Variants in ZSCAN5A observed in about 807,000 individuals in gnomAD.
ZSCAN5A encodes zinc finger and SCAN domain containing 5A, also known as zinc finger and SCAN domain-containing protein 5A.
ZSCAN5A carries 12 observed loss-of-function variants against 23.7 expected under a neutral mutation model. That is an observed-to-expected ratio of 0.51 (90% CI 0.32 to 0.82). The LOEUF (loss-of-function observed/expected upper bound fraction) is 0.82. ZSCAN5A is among the 40% of genes least tolerant of loss of function. The pLI, the probability that ZSCAN5A is intolerant of heterozygous loss-of-function variation, is 0.03. For synonymous variants in ZSCAN5A, 257 were observed against 239.9 expected (o/e 1.07, Z -0.66); for missense variants, 597 against 617.9 (o/e 0.97, Z 0.36).
intron 2 of ZSCAN5A, chr19:56,338,569 G>T (rs572411851): frequency 6.6e-6 from 1 of 152,208 alleles, no homozygotes; most frequent in Non-Finnish European, 1.5e-5. Flanking sequence ...TACAGCAAAG[G>T]TCCCCAGAAC....
rs143312233 is a variant in ZSCAN5A, at chr19:56,293,074, C to A, written c.-128+20209G>T. Among the ~76,000 whole-genome samples the A allele has an allele frequency of 4.6e-5, 7 of 152,276 alleles. No homozygotes were observed. The East Asian group carries it at 1.2e-3, about 25-fold the overall frequency. On this transcript the variant is annotated intron_variant, in intron 2 of 5. Transcript: ENST00000683990. ...GTTCTGAGACACCATCCTGTCCATG[C>A]CCCACACCCACCTCCAAACCCCACT...
chr19:56,233,913 C>G (rs1011507728), intron 2 of ZSCAN5A, among the ~76,000 whole-genome samples: 3 of 152,050 alleles, frequency 2.0e-5, no homozygotes, highest in African/African-American at 7.2e-5. Flanking sequence ...GAAAAGGAAC[C>G]CGGGCCAGGC....
At chr19:56,272,627 T>C (rs2037934204) in intron 2 of ZSCAN5A, 1 of 152,212 alleles carries the variant, frequency 6.6e-6, no homozygotes. Flanking sequence ...TGTTCTAAAA[T>C]GTTGCTTTAA....
intron 2 of ZSCAN5A, among the ~76,000 whole-genome samples, chr19:56,302,621 C>CCCCGTT (rs2040407172): frequency 1.6e-5 from 2 of 125,568 alleles, no homozygotes; most frequent in South Asian, 3.1e-4. Context: ...CCCTCTTCCT[C>CCCCGTT]CCTCCCTCCT....
At chr19:56,288,907 G>A (rs2039325294) in intron 2 of ZSCAN5A, among the ~76,000 whole-genome samples, 1 of 152,196 alleles carries the variant, frequency 6.6e-6, no homozygotes, top group Non-Finnish European at 1.5e-5. Context: ...TACTGTGACA[G>A]TTTTTGTCTC....
rs143132030 is a variant in ZSCAN5A, at chr19:56,228,131, A to C, written c.-127-2958T>G. On this transcript the variant is annotated intron_variant, in intron 2 of 5. Coordinates refer to ENST00000683990, the MANE Select transcript of ZSCAN5A (RefSeq NM_001322064.3). ...CAGAGTTAATCATGGGGTGCAAAGG[A>C]GACCCGCTGCCTTCACAAAGTCTCC... The C allele has an allele frequency of 3.7e-3, 2,631 of 713,918 alleles. 53 individuals are homozygous for C. In the African/African-American group the frequency reaches 0.045, roughly 12 times the overall value. The allele number at this position is 713,918 out of a possible 1,614,324, so 44.2% of individuals were successfully genotyped here.
At chr19:56,319,798 C>T, upstream of ZSCAN5A, 1 of 775,854 alleles carries the variant, frequency 1.3e-6, no homozygotes, top group Non-Finnish European at 2.4e-6. Flanking sequence ...AACTATGGTC[C>T]ACTGGAATTG....
intron 2 of ZSCAN5A, among the ~76,000 whole-genome samples, chr19:56,281,135 T>C (rs764473319): frequency 2.0e-5 from 3 of 152,220 alleles, no homozygotes; most frequent in Non-Finnish European, 4.4e-5. Flanking sequence ...GAAAATGTTA[T>C]TAAGAAAGAG....
intron 2 of ZSCAN5A, among the ~76,000 whole-genome samples, chr19:56,296,657 G>A (rs1472317171): frequency 3.3e-5 from 5 of 152,182 alleles, no homozygotes; most frequent in East Asian, 1.9e-4. Context: ...AAAAAACAAA[G>A]AGCAGTAGTT....
chr19:56,310,787 T>C (rs998260833), intron 2 of ZSCAN5A, among the ~76,000 whole-genome samples: 1 of 152,178 alleles, frequency 6.6e-6, no homozygotes, highest in African/African-American at 2.4e-5. Flanking sequence ...CTGGAGGAGG[T>C]TCCTTGTCCT....
chr19:56,289,375 G>C (rs1042891053), intron 2 of ZSCAN5A, among the ~76,000 whole-genome samples: 2 of 152,158 alleles, frequency 1.3e-5, no homozygotes, highest in African/African-American at 4.8e-5. Flanking sequence ...AGAGAAAGGG[G>C]CCAGGCCCTT....
chr19:56,251,467 A>T (rs905565588), intron 2 of ZSCAN5A, among the ~76,000 whole-genome samples: 2 of 152,162 alleles, frequency 1.3e-5, no homozygotes, highest in Non-Finnish European at 2.9e-5. Flanking sequence ...AGAGAAAAAA[A>T]CCCACAGCAA....
intron 2 of ZSCAN5A, among the ~76,000 whole-genome samples, chr19:56,355,014 G>A (rs117644600): frequency 0.015 from 2,260 of 152,246 alleles, 22 homozygotes; most frequent in Admixed American, 0.021. Flanking sequence ...ATGCTCATGT[G>A]GAAAGCATCT....
At chr19:56,250,946 C>T (rs2036292178) in intron 2 of ZSCAN5A, among the ~76,000 whole-genome samples, 1 of 152,140 alleles carries the variant, frequency 6.6e-6, no homozygotes, top group Admixed American at 6.6e-5. Flanking sequence ...GGCAAAAGAT[C>T]AAGACCATCC....
chr19:56,367,691 T>A (rs995270637), intron 1 of ZSCAN5A, among the ~76,000 whole-genome samples: 6 of 152,230 alleles, frequency 3.9e-5, no homozygotes, highest in Non-Finnish European at 8.8e-5. Flanking sequence ...CTAAGAAATA[T>A]TGTTCCGTGC....
At chr19:56,355,008 T>A (rs1215849170) in intron 2 of ZSCAN5A, among the ~76,000 whole-genome samples, 3 of 152,146 alleles carry the variant, frequency 2.0e-5, no homozygotes, top group Admixed American at 1.3e-4. Flanking sequence ...ATTAATATGC[T>A]CATGTGGAAA....
chr19:56,336,969 C>T (rs913297717), intron 2 of ZSCAN5A, among the ~76,000 whole-genome samples: 42 of 152,230 alleles, frequency 2.8e-4, no homozygotes, highest in African/African-American at 1.0e-3. Flanking sequence ...AGTACCCAGC[C>T]GTGTGAGGTG....
chr19:56,334,164 G>A (rs1332105310), intron 2 of ZSCAN5A, among the ~76,000 whole-genome samples: 2 of 152,188 alleles, frequency 1.3e-5, no homozygotes, highest in African/African-American at 2.4e-5. Context: ...TGTACCCAGA[G>A]GTGTGACTAG....
upstream of ZSCAN5A, among the ~76,000 whole-genome samples, chr19:56,319,498 G>GGAAAAAA (rs752672172): frequency 7.7e-5 from 6 of 78,406 alleles, 1 homozygote; most frequent in African/African-American, 2.4e-4. Context: ...TCCATCTCGG[G>GGAAAAAA]AAAAAAAAAA....
Sources: gnomAD v4.1 joint callset for allele counts (sites outside exome capture counted in the v4.1 genomes callset) on GRCh38, gnomAD v4.1.1 for gene constraint, MANE v1.5 for transcripts, NCBI Gene and HGNC (gene_info 2026-07-23, HGNC 2026-07-21) for gene names.